Variants in KIAA0930 observed in about 807,000 individuals in gnomAD.
The protein encoded by KIAA0930 is uncharacterized protein KIAA0930.
Under a neutral mutation model 43.9 loss-of-function variants are expected in KIAA0930, and 24 were observed. The ratio of observed to expected loss-of-function variants is 0.55; its 90% CI spans 0.40 to 0.77. The LOEUF is 0.77. KIAA0930 is among the 30% of genes least tolerant of loss of function. The pLI, the probability that KIAA0930 is intolerant of heterozygous loss-of-function variation, is 0.00. For synonymous variants in KIAA0930, 259 were observed against 216.4 expected (o/e 1.20, Z -1.73); for missense variants, 461 against 574.2 (o/e 0.80, Z 2.02).
intron 1 of KIAA0930, among the ~76,000 whole-genome samples, chr22:45,235,073 T>C (rs1205783563): frequency 1.3e-5 from 2 of 152,094 alleles, no homozygotes; most frequent in African/African-American, 2.4e-5. Context: ...GGGGCTTCTT[T>C]ACAGCAGCCT....
intron 1 of KIAA0930, among the ~76,000 whole-genome samples, chr22:45,218,762 C>G (rs1020149741): frequency 3.3e-5 from 5 of 152,068 alleles, no homozygotes; most frequent in African/African-American, 4.8e-5. Flanking sequence ...AGAAACTAAG[C>G]GAACCCGGGG....
chr22:45,240,725 G>C lies in KIAA0930; in HGVS notation c.-22C>G. 8.3e-7 allele frequency: 1 copy of C among 1,203,270 alleles called. No individual in the cohort carries two copies. The highest frequency in any genetic ancestry group is 1.0e-6 in the Non-Finnish European group (1 of 967,172). The allele number at this position is 1,203,270 out of a possible 1,614,324, so 74.5% of individuals were successfully genotyped here. On this transcript the variant is annotated 5_prime_UTR_variant, in exon 1 of 10. Coordinates refer to ENST00000336156, the MANE Select transcript of KIAA0930 (RefSeq NM_001009880.2). ...GCATGTGCTGCAGCGAGCGCTCCTC[G>C]GCCTCGGCGCCGCCCGCAGGCTCGG...
At position 45,208,880 on chromosome 22, in the gene KIAA0930, G is replaced by C. The variant is rs144353937; in HGVS notation, c.217-2968C>G. On this transcript the variant is annotated intron_variant, in intron 2 of 9. Coordinates refer to ENST00000336156, the MANE Select transcript of KIAA0930 (RefSeq NM_001009880.2). The stretch of plus-strand genomic sequence containing the variant: ...GGTGTGAAGGTGATCGGCACCTTAG[G>C]ATCCTGAGGTGTCACGTGACCGTGA... Among the ~76,000 whole-genome samples, 527 of 152,310 alleles carry C rather than the reference G, an allele frequency of 3.5e-3. 3 individuals carry two copies. The highest frequency in any genetic ancestry group is 0.012 in the African/African-American group (516 of 41,566).
intron 1 of KIAA0930, among the ~76,000 whole-genome samples, chr22:45,215,589 C>T (rs2083726896): frequency 6.6e-6 from 1 of 152,204 alleles, no homozygotes; most frequent in Non-Finnish European, 1.5e-5. Context: ...GCATGCCATA[C>T]GGATTCAACC....
chr22:45,240,367 AGACACCCGGACG>A (rs1397133773), intron 1 of KIAA0930, among the ~76,000 whole-genome samples: 2 of 152,236 alleles, frequency 1.3e-5, no homozygotes, highest in Non-Finnish European at 1.5e-5. Flanking sequence ...AAGATGAGAC[AGACACCCGGACG>A]GACTGACAGG....
At position 45,197,988 on chromosome 22, in the gene KIAA0930, G is replaced by A. The variant is rs368541361; in HGVS notation, c.1016-40C>T. On this transcript the variant is annotated intron_variant, in intron 8 of 9. Transcript: ENST00000336156. Reference sequence around the variant, plus strand: ...GCCAGGTCAAGGCCCCCACAGCATGGGACGCGGCGGGAGCAGCAGGAGGCC... The same window carrying A: ...GCCAGGTCAAGGCCCCCACAGCATGAGACGCGGCGGGAGCAGCAGGAGGCC... 31 of 1,604,748 alleles carry A rather than the reference G, an allele frequency of 1.9e-5. No homozygotes were observed. In the African/African-American group the frequency reaches 3.3e-4, roughly 17 times the overall value.
chr22:45,231,695 A>C (rs2083854742), intron 1 of KIAA0930, among the ~76,000 whole-genome samples: 1 of 152,208 alleles, frequency 6.6e-6, no homozygotes, highest in South Asian at 2.1e-4. Flanking sequence ...ACTGCAGAGA[A>C]GGTAAGAAAT....
rs5845698 is a variant in KIAA0930 at position 45,195,672 on chromosome 22, A to AG, written c.*1503dup. On this transcript the variant is annotated 3_prime_UTR_variant, in exon 10 of 10. Coordinates refer to ENST00000336156, the MANE Select transcript of KIAA0930 (RefSeq NM_001009880.2). ...TCAGATTAGGTTATTACAAAGGGCGAGGGGGAGGAGGGCATCCCAGGAGTC... is the reference window on the plus strand; with the variant it reads ...TCAGATTAGGTTATTACAAAGGGCGAGGGGGGAGGAGGGCATCCCAGGAGTC... 51,561 of 152,176 alleles carry AG rather than the reference A, an allele frequency of 0.34. 9,125 individuals carry two copies. Among genetic ancestry groups the AG allele is most frequent in the African/African-American group, 0.44 (18,331 of 41,314 alleles). The allele number at this position is 152,176 out of a possible 1,614,324, so 9.4% of individuals were successfully genotyped here.
chr22:45,230,956 C>G (rs983985193), intron 1 of KIAA0930, among the ~76,000 whole-genome samples: 4 of 151,838 alleles, frequency 2.6e-5, no homozygotes, highest in Admixed American at 2.6e-4. Context: ...AGAAAATAAA[C>G]AGGTTGAGGC....
At chr22:45,200,876 A>T in intron 7 of KIAA0930, 1 of 471,886 alleles carries the variant, frequency 2.1e-6, no homozygotes, top group South Asian at 1.5e-5. Flanking sequence ...AAAGGGATCC[A>T]CAGCCTGGGA....
chr22:45,225,428 T>G (rs924386123), intron 1 of KIAA0930, among the ~76,000 whole-genome samples: 3 of 152,112 alleles, frequency 2.0e-5, no homozygotes, highest in Admixed American at 2.0e-4. Flanking sequence ...CCTGCCTGGT[T>G]TCACATCTTC....
chr22:45,199,204 G>A (rs1453480450), intron 8 of KIAA0930, among the ~76,000 whole-genome samples: 5 of 152,180 alleles, frequency 3.3e-5, no homozygotes, highest in Admixed American at 2.6e-4. Context: ...CTCCCTGGGG[G>A]CTCTGGGAAC....
intron 1 of KIAA0930, among the ~76,000 whole-genome samples, chr22:45,218,918 C>A (rs183563977): frequency 2.6e-5 from 4 of 152,216 alleles, no homozygotes; most frequent in Admixed American, 2.6e-4. Context: ...TCTAAGAACC[C>A]GTGAAAGAAC....
intron 1 of KIAA0930, among the ~76,000 whole-genome samples, chr22:45,234,999 C>T (rs2083878200): frequency 6.6e-6 from 1 of 151,306 alleles, no homozygotes; most frequent in Non-Finnish European, 1.5e-5. Context: ...GTGCATGTGA[C>T]TTTTTTTTTA....
chr22:45,229,584 C>T (rs2083838986), intron 1 of KIAA0930, among the ~76,000 whole-genome samples: 1 of 152,138 alleles, frequency 6.6e-6, no homozygotes, highest in Non-Finnish European at 1.5e-5. Flanking sequence ...GCTGATTCCA[C>T]CAACGGGTCA....
rs977189109 is a variant in KIAA0930 at position 45,193,020 on chromosome 22, G to A, written c.*4156C>T. 2.6e-5 allele frequency: 4 copies of A among 152,188 alleles called. No individual in the cohort carries two copies. The highest frequency in any genetic ancestry group is 3.9e-4 in the East Asian group (2 of 5,188). The allele number at this position is 152,188 out of a possible 1,614,324, so 9.4% of individuals were successfully genotyped here. ...CACTGCTGAAGAGCTGCTCTCCCTC[G>A]AAGGGCAGTGGCTGCCCCCTCCAGA... On this transcript the variant is annotated 3_prime_UTR_variant, in exon 10 of 10. Coordinates refer to ENST00000336156, the MANE Select transcript of KIAA0930 (RefSeq NM_001009880.2).
At chr22:45,213,824 A>G (rs1293438400) in intron 1 of KIAA0930, among the ~76,000 whole-genome samples, 1 of 152,176 alleles carries the variant, frequency 6.6e-6, no homozygotes, top group Non-Finnish European at 1.5e-5. Flanking sequence ...AGCCTGGCCA[A>G]TATGGTGAAA....
intron 1 of KIAA0930, among the ~76,000 whole-genome samples, chr22:45,231,245 G>C (rs1020743091): frequency 2.5e-4 from 37 of 147,480 alleles, no homozygotes; most frequent in Admixed American, 1.0e-3. Context: ...AAAAAAGAAA[G>C]AAAATACACA....
intron 8 of KIAA0930, chr22:45,198,157 C>T (rs2147732932): frequency 1.7e-6 from 1 of 576,004 alleles, no homozygotes; most frequent in Non-Finnish European, 3.1e-6. Context: ...CAGACCCAGG[C>T]CTCCAACTCC....
Sources: gnomAD v4.1 joint callset for allele counts (sites outside exome capture counted in the v4.1 genomes callset) on GRCh38, gnomAD v4.1.1 for gene constraint, MANE v1.5 for transcripts, NCBI Gene and HGNC (gene_info 2026-07-23, HGNC 2026-07-21) for gene names.